Variants in ARID5B observed in about 807,000 individuals in gnomAD.
ARID5B encodes the protein AT-rich interaction domain 5B, also known as AT-rich interactive domain-containing protein 5B.
Under a neutral mutation model 97.2 loss-of-function variants are expected in ARID5B, and 13 were observed. That is an observed-to-expected ratio of 0.13 (90% CI 0.09 to 0.21). The LOEUF is 0.21. Ranked by LOEUF, ARID5B falls within the 10% of genes least tolerant of loss-of-function variation. The probability of loss-of-function intolerance (pLI) is 1.00; values close to 1 mark genes in which losing one functional copy is unlikely to be tolerated. For synonymous variants in ARID5B, 556 were observed against 570.3 expected (o/e 0.97, Z 0.36); for missense variants, 1,210 against 1,465.3 (o/e 0.83, Z 2.84).
chr10:61,971,930 A>C (rs536320824), intron 3 of ARID5B, among the ~76,000 whole-genome samples: 6 of 152,206 alleles, frequency 3.9e-5, no homozygotes, highest in African/African-American at 1.4e-4. Context: ...TATTTCAAAA[A>C]GGCATGAGCA....
chr10:61,941,248 C>T (rs1456142784), intron 3 of ARID5B, among the ~76,000 whole-genome samples: 2 of 150,348 alleles, frequency 1.3e-5, no homozygotes, highest in African/African-American at 2.4e-5. Flanking sequence ...AGTTCTATTG[C>T]TTTTTCTTAA....
At chr10:62,024,177 T>C (rs1206053258) in intron 4 of ARID5B, among the ~76,000 whole-genome samples, 1 of 152,230 alleles carries the variant, frequency 6.6e-6, no homozygotes, top group Non-Finnish European at 1.5e-5. Flanking sequence ...CATGAGGCCC[T>C]GATTAAACCT....
intron 2 of ARID5B, among the ~76,000 whole-genome samples, chr10:61,916,248 G>A (rs1173910656): frequency 6.6e-6 from 1 of 152,078 alleles, no homozygotes; most frequent in South Asian, 2.1e-4. Context: ...GTAGAGATGG[G>A]GTTTTGCCAT....
chr10:61,974,957 CATTTTCAGTTTTCGAAGG>C lies in ARID5B; in HGVS notation c.503-25132_503-25115del, dbSNP rs572545945. On this transcript the variant is annotated intron_variant, in intron 3 of 9. Transcript: ENST00000279873. ...ATATGTGCTCTAACTGCTTATTACACATTTTCAGTTTTCGAAGGAATAATAGCATTGTTGGTAGGCTTT... is the reference window on the plus strand; with the variant it reads ...ATATGTGCTCTAACTGCTTATTACACAATAATAGCATTGTTGGTAGGCTTT... 9.1e-3 allele frequency among the ~76,000 whole-genome samples: 1,389 copies of C among 151,996 alleles called. 22 individuals are homozygous for C. The highest frequency in any genetic ancestry group is 0.032 in the African/African-American group (1,326 of 41,428).
chr10:62,075,111 G>T (rs989057645), intron 8 of ARID5B, among the ~76,000 whole-genome samples: 1 of 152,186 alleles, frequency 6.6e-6, no homozygotes, highest in East Asian at 1.9e-4. Flanking sequence ...ATTTATGGAG[G>T]CAGGTAGCAA....
chr10:62,056,394 A>G (rs1029938029), intron 5 of ARID5B, among the ~76,000 whole-genome samples: 4 of 152,110 alleles, frequency 2.6e-5, no homozygotes, highest in Admixed American at 6.5e-5. Flanking sequence ...TTTGTTTCCT[A>G]CTGAGGGTGT....
chr10:61,916,986 G>GA, intron 2 of ARID5B, among the ~76,000 whole-genome samples: 1 of 152,164 alleles, frequency 6.6e-6, no homozygotes, highest in East Asian at 1.9e-4. Context: ...GCGCACGACT[G>GA]GTTTGAGGCA....
intron 4 of ARID5B, among the ~76,000 whole-genome samples, chr10:62,026,819 G>A (rs1351131146): frequency 6.6e-6 from 1 of 152,172 alleles, no homozygotes; most frequent in African/African-American, 2.4e-5. Context: ...AAGACCCAAA[G>A]ATGCACCTAG....
chr10:62,087,702 C>T (rs923191280), intron 9 of ARID5B, among the ~76,000 whole-genome samples: 19 of 152,116 alleles, frequency 1.2e-4, no homozygotes, highest in South Asian at 4.1e-4. Context: ...ATGTACAACA[C>T]GCACCAACCT....
In ARID5B at chr10:61,904,949, C is replaced by T. The variant is rs1278085699; in HGVS notation, c.276+2536C>T. Among the ~76,000 whole-genome samples, 8 of 152,382 alleles carry T rather than the reference C, an allele frequency of 5.2e-5. No individual in the cohort carries two copies. The East Asian group carries it at 1.5e-3, about 29-fold the overall frequency. On this transcript the variant is annotated intron_variant, in intron 2 of 9. Transcript: ENST00000279873. ...TCATTAGCAGAATAGCAGCAGCAGT[C>T]TTCTCTGGAGGAGAGCCTTACAGAA...
At chr10:62,070,722 G>A (rs936236508) in intron 8 of ARID5B, among the ~76,000 whole-genome samples, 6 of 152,202 alleles carry the variant, frequency 3.9e-5, no homozygotes, top group Admixed American at 6.5e-5. Flanking sequence ...TTGCTACAAA[G>A]TATTCCCAAA....
chr10:62,055,688 T>G (rs985596931), intron 5 of ARID5B, among the ~76,000 whole-genome samples: 2 of 152,184 alleles, frequency 1.3e-5, no homozygotes, highest in Non-Finnish European at 2.9e-5. Flanking sequence ...CCCTTAAAAG[T>G]TAAAATCCTA....
At chr10:62,043,697 C>A (rs2132921446) in intron 4 of ARID5B, among the ~76,000 whole-genome samples, 1 of 152,280 alleles carries the variant, frequency 6.6e-6, no homozygotes, top group East Asian at 1.9e-4. Context: ...TGAAGACCTC[C>A]AGGGCAGAGA....
intron 8 of ARID5B, among the ~76,000 whole-genome samples, chr10:62,083,178 A>G (rs1364937440): frequency 2.0e-5 from 3 of 151,980 alleles, no homozygotes; most frequent in African/African-American, 4.8e-5. Context: ...TACAAGAAAC[A>G]TTTAATTCCA....
At position 62,091,916 on chromosome 10, in the gene ARID5B, C is replaced by A; in HGVS notation, c.2453C>A (p.Ala818Asp). The A allele has an allele frequency of 6.2e-7, 1 of 1,613,858 alleles. No individual in the cohort carries two copies. The change falls in exon 10 of 10, where the codon GCC (alanine) becomes GAC (aspartate). Residue 818 changes from alanine to aspartate, a missense_variant. Transcript: ENST00000279873. ...AAGGATAAACTCTTAGAGAAAAGGG[C>A]CCTCCCCCATTCCCACATGCCTAGC... is the stretch of plus-strand genomic sequence containing the variant. ...EGKDKLLEKR[A>D]LPHSHMPSFL...
chr10:62,080,155 C>G (rs1026036970), intron 8 of ARID5B, among the ~76,000 whole-genome samples: 1 of 152,156 alleles, frequency 6.6e-6, no homozygotes, highest in Non-Finnish European at 1.5e-5. Flanking sequence ...TTTGGTGCCC[C>G]AGACTTTCAG....
chr10:62,074,443 T>C (rs1412266669), intron 8 of ARID5B, among the ~76,000 whole-genome samples: 1 of 152,236 alleles, frequency 6.6e-6, no homozygotes. Context: ...CCAGATGTAC[T>C]TGGGCAGATA....
chr10:61,987,797 G>C (rs1838867335), intron 3 of ARID5B, among the ~76,000 whole-genome samples: 1 of 152,208 alleles, frequency 6.6e-6, no homozygotes, highest in Admixed American at 6.5e-5. Context: ...AAATATCTGA[G>C]AGATACCCAG....
At chr10:62,047,000 G>A (rs1244567561) in intron 4 of ARID5B, 2 of 28,280 alleles carry the variant, frequency 7.1e-5, no homozygotes, top group African/African-American at 2.3e-4. Context: ...ATGTGTGTGT[G>A]TCTGTGTGTG....
Sources: gnomAD v4.1 joint callset for allele counts (sites outside exome capture counted in the v4.1 genomes callset) on GRCh38, gnomAD v4.1.1 for gene constraint, MANE v1.5 for transcripts, NCBI Gene and HGNC (gene_info 2026-07-23, HGNC 2026-07-21) for gene names.